The following TM9SF2 variants were observed in gnomAD, a reference collection of about 807,000 sequenced individuals.
The protein encoded by TM9SF2 is transmembrane 9 superfamily member 2.
Under a neutral mutation model 84.9 loss-of-function variants are expected in TM9SF2, and 13 were observed. That is an observed-to-expected ratio of 0.15 (90% CI 0.10 to 0.24). The LOEUF (loss-of-function observed/expected upper bound fraction) is 0.24. Among genes scored for constraint, TM9SF2 ranks in the 10% least tolerant of loss-of-function variants. The probability of loss-of-function intolerance (pLI) is 1.00; values close to 1 mark genes in which losing one functional copy is unlikely to be tolerated. For missense variants in TM9SF2, 562 were observed against 818.5 expected (o/e 0.69, Z 3.82); for synonymous variants, 273 against 285.8 (o/e 0.96, Z 0.45).
chr13:99,503,023 A>G (rs2046073473), intron 1 of TM9SF2, among the ~76,000 whole-genome samples: 1 of 152,262 alleles, frequency 6.6e-6, no homozygotes, highest in Non-Finnish European at 1.5e-5. Context: ...GGTTTACTCA[A>G]GTCTGCAGTT....
At chr13:99,552,843 A>G (rs1035244762) in intron 13 of TM9SF2, among the ~76,000 whole-genome samples, 1 of 152,214 alleles carries the variant, frequency 6.6e-6, no homozygotes, top group Admixed American at 6.5e-5. Flanking sequence ...ACCTCAGGTG[A>G]TCCACCTGCC....
chr13:99,530,943 C>T (rs1199080232), intron 4 of TM9SF2, among the ~76,000 whole-genome samples: 2 of 151,842 alleles, frequency 1.3e-5, no homozygotes, highest in Non-Finnish European at 2.9e-5. Flanking sequence ...TCACTGCAAC[C>T]TCCGTCTCCT....
At position 99,537,802 on chromosome 13, in the gene TM9SF2, C is replaced by T. The variant is rs2046240885; in HGVS notation, c.655C>T (p.His219Tyr). ...CCATGTTGACATCAAAATATACTAT[C>T]ATGTTGTTGAAACTGGGTCCATGGG... is the stretch of plus-strand genomic sequence containing the variant. ...FNHVDIKIYY[H>Y]VVETGSMGAR... The change falls in exon 6 of 17, where the codon CAT (histidine) becomes TAT (tyrosine). Residue 219 changes from histidine (H) to tyrosine (Y), a missense_variant. By Grantham distance (83) the His-to-Tyr change is moderately conservative. This residue lies in a region of TM9SF2 where 267 missense variants were observed against 316.7 expected (regional missense o/e 0.84). Coordinates refer to ENST00000376387, the MANE Select transcript of TM9SF2 (RefSeq NM_004800.3). 3.1e-6 allele frequency: 5 copies of T among 1,611,502 alleles called. No individual in the cohort carries two copies. The highest frequency in any genetic ancestry group is 3.4e-6 in the Non-Finnish European group (4 of 1,179,502).
At chr13:99,502,341 G>T (rs934946986) in intron 1 of TM9SF2, among the ~76,000 whole-genome samples, 51 of 152,314 alleles carry the variant, frequency 3.3e-4, no homozygotes, top group Admixed American at 2.3e-3. Flanking sequence ...TTAGAAGTTG[G>T]TTCCTTATTT....
At chr13:99,535,658 G>A (rs781437505) in intron 4 of TM9SF2, among the ~76,000 whole-genome samples, 1 of 152,108 alleles carries the variant, frequency 6.6e-6, no homozygotes, top group Non-Finnish European at 1.5e-5. Flanking sequence ...AGGTCATTAA[G>A]GTACACCTTG....
chr13:99,562,685 T>C lies in TM9SF2; in HGVS notation c.1925-6T>C. ...AAGGGGTTTATTTTTATTTTTTCTC[T>C]TATAGGAACAATTGGCTTCTTTGCA... On this transcript the variant is annotated splice_polypyrimidine_tract_variant and splice_region_variant and intron_variant, in intron 16 of 16. Coordinates refer to ENST00000376387, the MANE Select transcript of TM9SF2 (RefSeq NM_004800.3). 2 of 1,612,336 alleles carry C rather than the reference T, an allele frequency of 1.2e-6. No homozygotes were observed. The highest frequency in any genetic ancestry group is 1.7e-6 in the Non-Finnish European group (2 of 1,179,492).
At chr13:99,527,345 G>A (rs968689052) in intron 3 of TM9SF2, among the ~76,000 whole-genome samples, 1 of 152,118 alleles carries the variant, frequency 6.6e-6, no homozygotes, top group Non-Finnish European at 1.5e-5. Flanking sequence ...CCATATGGCT[G>A]GGGAGGCCTC....
In TM9SF2 at chr13:99,562,688, T is replaced by C. The variant is rs993860560; in HGVS notation, c.1925-3T>C. 6.2e-6 allele frequency: 10 copies of C among 1,612,596 alleles called. No homozygotes were observed. Among genetic ancestry groups the C allele is most frequent in the Middle Eastern group, 1.7e-4 (1 of 5,792 alleles). On this transcript the variant is annotated splice_polypyrimidine_tract_variant and splice_region_variant and intron_variant, in intron 16 of 16. Coordinates refer to ENST00000376387, the MANE Select transcript of TM9SF2 (RefSeq NM_004800.3). ...GGGTTTATTTTTATTTTTTCTCTTA[T>C]AGGAACAATTGGCTTCTTTGCATGC...
At chr13:99,536,530 A>T (rs1185266057) in intron 4 of TM9SF2, 78 bp from the exon 5 acceptor site, 16 of 1,521,310 alleles carry the variant, frequency 1.1e-5, no homozygotes, top group Non-Finnish European at 1.4e-5. Flanking sequence ...TTACAAAGTG[A>T]TGACACTGAT....
chr13:99,554,572 C>A, intron 14 of TM9SF2, 117 bp downstream of exon 14: 2 of 1,145,820 alleles, frequency 1.7e-6, no homozygotes, highest in Non-Finnish European at 1.2e-6. Context: ...CTTCAGTAAC[C>A]AGAAATCTTA....
At chr13:99,507,757 C>G (rs2046094699) in intron 1 of TM9SF2, among the ~76,000 whole-genome samples, 1 of 152,188 alleles carries the variant, frequency 6.6e-6, no homozygotes, top group Non-Finnish European at 1.5e-5. Context: ...TTTATGGCCT[C>G]CATATCTCAA....
intron 10 of TM9SF2, among the ~76,000 whole-genome samples, chr13:99,545,281 G>A (rs988778954): frequency 2.6e-5 from 4 of 151,990 alleles, no homozygotes; most frequent in Non-Finnish European, 4.4e-5. Context: ...CACTGAATAA[G>A]TTTGGGAACC....
intron 11 of TM9SF2, 78 bp from the exon 12 acceptor site, chr13:99,549,087 A>G: frequency 7.9e-7 from 1 of 1,270,772 alleles, no homozygotes; most frequent in South Asian, 1.3e-5. Context: ...AGTTTGGCAA[A>G]TATCAGACTT....
At chr13:99,534,316 A>G (rs2046224207) in intron 4 of TM9SF2, among the ~76,000 whole-genome samples, 1 of 152,228 alleles carries the variant, frequency 6.6e-6, no homozygotes, top group Non-Finnish European at 1.5e-5. Flanking sequence ...CCAAGTTAGC[A>G]AAGGAGAATG....
In TM9SF2 at chr13:99,546,986, T is replaced by A; in HGVS notation, c.1152T>A (p.Phe384Leu). The A allele has an allele frequency of 6.2e-7, 1 of 1,614,174 alleles. No homozygotes were observed. Among genetic ancestry groups the A allele is most frequent in the Non-Finnish European group, 8.5e-7 (1 of 1,180,018 alleles). Reference sequence around the variant, plus strand: ...AGCCTTTCACGATTTGTGTTTTAGTTTTCGCTTGCCTGGGATTTTTGTCAC... The same window carrying A: ...AGCCTTTCACGATTTGTGTTTTAGTATTCGCTTGCCTGGGATTTTTGTCAC... ...QILIMTFVTL[F>L]FACLGFLSPA... Residue 384 changes from phenylalanine to leucine, a missense_variant and splice_region_variant, in exon 11 of 17, where the codon TTT becomes TTA. By Grantham distance (22) the Phe-to-Leu change is conservative. This residue lies in a region of TM9SF2 where 219 missense variants were observed against 338.1 expected (regional missense o/e 0.65). Transcript: ENST00000376387.
intron 1 of TM9SF2, among the ~76,000 whole-genome samples, chr13:99,507,616 T>C (rs1344611006): frequency 6.6e-6 from 1 of 152,208 alleles, no homozygotes; most frequent in East Asian, 1.9e-4. Context: ...AGCTCATAAA[T>C]AAGCATTTGT....
chr13:99,556,541 T>A (rs1027836084), intron 15 of TM9SF2, among the ~76,000 whole-genome samples: 1 of 151,554 alleles, frequency 6.6e-6, no homozygotes, highest in Non-Finnish European at 1.5e-5. Flanking sequence ...TCAGGGTTCA[T>A]CATATCATGG....
intron 1 of TM9SF2, among the ~76,000 whole-genome samples, chr13:99,513,464 A>G (rs563620791): frequency 2.1e-4 from 32 of 152,280 alleles, no homozygotes; most frequent in African/African-American, 7.5e-4. Flanking sequence ...GCTAAGCAAA[A>G]ATTTGTATTA....
At position 99,540,396 on chromosome 13, in the gene TM9SF2, T is replaced by TAA. The variant is rs34041487; in HGVS notation, c.829-303_829-302dup. 784 of 137,062 alleles carry TAA rather than the reference T, an allele frequency of 5.7e-3. 7 individuals carry two copies. Among genetic ancestry groups the TAA allele is most frequent in the Middle Eastern group, 0.025 (7 of 278 alleles). The allele number at this position is 137,062 out of a possible 1,614,324, so 8.5% of individuals were successfully genotyped here. The stretch of plus-strand genomic sequence containing the variant: ...ATTCCATTCCATTCCATTATTTTCT[T>TAA]AAAAAAAAAAAAAAAACCTACATAT... On this transcript the variant is annotated intron_variant, in intron 7 of 16. Transcript: ENST00000376387.
Sources: gnomAD v4.1 joint callset for allele counts (sites outside exome capture counted in the v4.1 genomes callset) on GRCh38, gnomAD v4.1.1 for gene constraint, gnomAD v4.1.1 regional missense constraint, MANE v1.5 for transcripts, NCBI Gene and HGNC (gene_info 2026-07-23, HGNC 2026-07-21) for gene names.